The following PHYKPL variants were observed in gnomAD, a reference collection of about 807,000 sequenced individuals.
PHYKPL encodes the protein 5-phosphohydroxy-L-lysine phospho-lyase.
In PHYKPL, 42 loss-of-function variants were observed where a neutral mutation model predicts 51.3. The ratio of observed to expected loss-of-function variants is 0.82; its 90% CI spans 0.64 to 1.06. The LOEUF (loss-of-function observed/expected upper bound fraction) is 1.06. Among genes scored for constraint, PHYKPL ranks in the 50% least tolerant of loss-of-function variants. The pLI is 0.00. For missense variants in PHYKPL, 655 were observed against 586.6 expected (o/e 1.12, Z -1.20); for synonymous variants, 264 against 236.0 (o/e 1.12, Z -1.09).
chr5:178,229,381 T>C (rs1762932425), intron 3 of PHYKPL, among the ~76,000 whole-genome samples: 1 of 152,192 alleles, frequency 6.6e-6, no homozygotes, highest in Admixed American at 6.5e-5. Context: ...GTGCTGGGAT[T>C]ACAGGCATGA....
chr5:178,212,071 G>T, intron 11 of PHYKPL, 101 bp from the exon 12 acceptor site: 1 of 1,287,982 alleles, frequency 7.8e-7, no homozygotes, highest in Non-Finnish European at 1.1e-6. Flanking sequence ...TAGAGATTGG[G>T]CCCTCTGGCT....
chr5:178,227,832 G>A (rs1176800237), intron 3 of PHYKPL, among the ~76,000 whole-genome samples: 3 of 152,228 alleles, frequency 2.0e-5, no homozygotes, highest in African/African-American at 7.2e-5. Flanking sequence ...AGCAGGTGGT[G>A]GCCATGGAGA....
At chr5:178,207,427 A>C (rs988122829), downstream of PHYKPL, among the ~76,000 whole-genome samples, 1 of 152,166 alleles carries the variant, frequency 6.6e-6, no homozygotes, top group Non-Finnish European at 1.5e-5. Flanking sequence ...CCAATAAACA[A>C]CACAGGATGT....
At chr5:178,214,738 A>G in intron 10 of PHYKPL, 58 bp downstream of exon 10, 6 of 1,500,528 alleles carry the variant, frequency 4.0e-6, no homozygotes, top group South Asian at 1.1e-5. Context: ...TGGCCCTGCA[A>G]AGAGGTACCT....
At chr5:178,232,140 G>T (rs1297449248) in intron 1 of PHYKPL, 2 of 1,194,406 alleles carry the variant, frequency 1.7e-6, no homozygotes, top group African/African-American at 3.1e-5. Context: ...GGCCACCCTG[G>T]GTGAGGTCCT....
downstream of PHYKPL, among the ~76,000 whole-genome samples, chr5:178,207,689 C>G (rs1757137691): frequency 2.7e-5 from 3 of 111,688 alleles, no homozygotes; most frequent in Admixed American, 3.6e-4. Flanking sequence ...CCACTTTGAG[C>G]ACTTTTTTTT....
At chr5:178,215,500 C>A in intron 8 of PHYKPL, 70 bp from the exon 9 acceptor site, 1 of 1,520,908 alleles carries the variant, frequency 6.6e-7, no homozygotes, top group Admixed American at 2.2e-5. Flanking sequence ...GAGGGTGAGG[C>A]AGAAGAACTG....
At chr5:178,213,243 T>G in intron 10 of PHYKPL, 140 bp from the exon 11 acceptor site, 1 of 1,152,558 alleles carries the variant, frequency 8.7e-7, no homozygotes, top group South Asian at 1.6e-5. Flanking sequence ...ACTGGTCACC[T>G]CTCCCAGAGT....
At chr5:178,223,401 C>T (rs1433559699) in intron 6 of PHYKPL, 4 of 456,442 alleles carry the variant, frequency 8.8e-6, no homozygotes, top group Non-Finnish European at 1.8e-5. Flanking sequence ...GTCCATCCTC[C>T]ACATGGCCAC....
intron 2 of PHYKPL, chr5:178,230,658 G>A (rs1157887727): frequency 6.5e-6 from 1 of 154,776 alleles, no homozygotes; most frequent in African/African-American, 2.4e-5. Context: ...AAGGGGGCTG[G>A]TGGTAATCTT....
At position 178,223,367 on chromosome 5, in the gene PHYKPL, T is replaced by C. The variant is rs896965753; in HGVS notation, c.619-433A>G. The C allele has an allele frequency of 2.0e-5, 9 of 457,106 alleles. No individual in the cohort carries two copies. In the East Asian group the frequency reaches 6.2e-4, roughly 32 times the overall value. The allele number at this position is 457,106 out of a possible 1,614,324, so 28.3% of individuals were successfully genotyped here. ...TTTCTTCCTTGGACTCCTGCAGAGG[T>C]CTTCTAACTGAATGCCTTTTCCAGT... On this transcript the variant is annotated intron_variant, in intron 6 of 12. Coordinates refer to ENST00000308158, the MANE Select transcript of PHYKPL (RefSeq NM_153373.4).
rs114354953 is a variant in PHYKPL, at chr5:178,223,289, A to C, written c.619-355T>G. 217 of 442,582 alleles carry C rather than the reference A, an allele frequency of 4.9e-4. 1 individual carries two copies. Among genetic ancestry groups the C allele is most frequent in the African/African-American group, 4.2e-3 (209 of 50,150 alleles). The allele number at this position is 442,582 out of a possible 1,614,324, so 27.4% of individuals were successfully genotyped here. A position where few individuals can be genotyped will look rare whatever the true frequency, so the allele number is the denominator to read the frequency against. On this transcript the variant is annotated intron_variant, in intron 6 of 12. Transcript: ENST00000308158. ...GGATTCTACCTCAGCCCCCTCTCTA[A>C]ACCTACTCCTTGCCCTCTGCCTGGA... is the stretch of plus-strand genomic sequence containing the variant.
intron 1 of PHYKPL, chr5:178,232,080 T>G: frequency 8.4e-7 from 1 of 1,183,878 alleles, no homozygotes; most frequent in Non-Finnish European, 1.1e-6. Flanking sequence ...TGTCTGCCCT[T>G]TCAGCCCCCT....
chr5:178,222,430 G>A lies in PHYKPL; in HGVS notation c.852C>T (p.His284=). The change falls in exon 8 of 13, where the codon CAC becomes CAT. Residue 284 remains histidine (H), a synonymous_variant. Transcript: ENST00000308158. ...VTMGKSIGNG[H]PVACVAATQP... ...GGGTTGCGGCCACGCAGGCAACAGGGTGGCCGTTGCCAATGGACTTGCCCA... is the reference window on the plus strand; with the variant it reads ...GGGTTGCGGCCACGCAGGCAACAGGATGGCCGTTGCCAATGGACTTGCCCA... 1 of 1,614,246 alleles carries A rather than the reference G, an allele frequency of 6.2e-7. No individual in the cohort carries two copies. Among genetic ancestry groups the A allele is most frequent in the East Asian group, 2.2e-5 (1 of 44,880 alleles).
intron 12 of PHYKPL, chr5:178,210,641 C>T (rs1411340727): frequency 6.3e-7 from 1 of 1,594,400 alleles, no homozygotes; most frequent in African/African-American, 1.3e-5. Context: ...GCAGGAGCGA[C>T]CAACTGATCG....
At chr5:178,226,996 T>C (rs1474567488) in intron 3 of PHYKPL, among the ~76,000 whole-genome samples, 2 of 152,146 alleles carry the variant, frequency 1.3e-5, no homozygotes, top group African/African-American at 4.8e-5. Context: ...AGTGATCATT[T>C]TTCTAAGTGC....
At chr5:178,224,412 C>G in intron 6 of PHYKPL, 36 bp downstream of exon 6, 1 of 1,526,070 alleles carries the variant, frequency 6.6e-7, no homozygotes, top group Non-Finnish European at 8.9e-7. Flanking sequence ...GTGACATTCA[C>G]TGTTGGCTGG....
intron 12 of PHYKPL, chr5:178,209,236 T>C: frequency 1.0e-6 from 1 of 980,712 alleles, no homozygotes; most frequent in Non-Finnish European, 1.6e-6. Context: ...ATGGACCTGA[T>C]CCACCATTTG....
Position 178,214,809 on chromosome 5 carries a change from A to C in PHYKPL, c.1159T>G (p.Tyr387Asp). 6.2e-7 allele frequency: 1 copy of C among 1,614,012 alleles called. No homozygotes were observed. Among genetic ancestry groups the C allele is most frequent in the Non-Finnish European group, 8.5e-7 (1 of 1,180,010 alleles). ...AGAAGAAAATACCTTGATACCAAGT[A>C]GGCAGCCTCTTCAGTTGCTGGTGTC... The part of the protein sequence containing the change: ...TRTPATEEAA[Y>D]LVSRLKENYV... Residue 387 changes from tyrosine to aspartate, a missense_variant, in exon 10 of 13, where the codon TAC becomes GAC. By Grantham distance (160) the Tyr-to-Asp change is radical. Coordinates refer to ENST00000308158, the MANE Select transcript of PHYKPL (RefSeq NM_153373.4).
Sources: allele counts gnomAD v4.1 joint callset (sites outside exome capture counted in the v4.1 genomes callset), GRCh38; gene constraint gnomAD v4.1.1; transcripts MANE v1.5; gene names NCBI Gene and HGNC (gene_info 2026-07-23, HGNC 2026-07-21).